Variants in RPS6KC1 observed in about 807,000 individuals in gnomAD.
RPS6KC1 encodes inactive ribosomal protein S6 kinase delta-1.
A neutral mutation model predicts 103.8 loss-of-function variants in RPS6KC1; 54 were observed. The ratio of observed to expected loss-of-function variants is 0.52; its 90% CI spans 0.42 to 0.65. The LOEUF (loss-of-function observed/expected upper bound fraction) is 0.65. Among genes scored for constraint, RPS6KC1 ranks in the 30% least tolerant of loss-of-function variants. RPS6KC1 has a pLI of 0.00. For synonymous variants in RPS6KC1, 439 were observed against 438.7 expected (o/e 1.00, Z -0.01); for missense variants, 1,151 against 1,253.8 (o/e 0.92, Z 1.24).
chr1:213,299,551 C>CAAAA, the RPS6KC1 span, among the ~76,000 whole-genome samples: 1 of 105,240 alleles, frequency 9.5e-6, no homozygotes, highest in African/African-American at 3.8e-5. Flanking sequence ...GACTCCATCT[C>CAAAA]AAAAAAAAAA....
the RPS6KC1 span, among the ~76,000 whole-genome samples, chr1:213,554,771 A>C: frequency 6.6e-6 from 1 of 152,182 alleles, no homozygotes; most frequent in Non-Finnish European, 1.5e-5. Flanking sequence ...TGATGCAGAG[A>C]TATTCATTCA....
intron 6 of RPS6KC1, among the ~76,000 whole-genome samples, chr1:213,160,889 T>G (rs936414899): frequency 6.6e-6 from 1 of 152,032 alleles, no homozygotes; most frequent in Non-Finnish European, 1.5e-5. Flanking sequence ...TAGGAGAATA[T>G]CTAACATAAA....
chr1:213,743,068 C>T, the RPS6KC1 span, among the ~76,000 whole-genome samples: 1 of 152,144 alleles, frequency 6.6e-6, no homozygotes, highest in African/African-American at 2.4e-5. Flanking sequence ...ATCATTATAC[C>T]AGAAAGACAC....
chr1:213,596,140 G>C, the RPS6KC1 span, among the ~76,000 whole-genome samples: 1 of 151,990 alleles, frequency 6.6e-6, no homozygotes, highest in Admixed American at 6.5e-5. Flanking sequence ...ATTAGAGGAG[G>C]AAGGCAGTAT....
the RPS6KC1 span, among the ~76,000 whole-genome samples, chr1:213,441,492 T>C: frequency 1.3e-5 from 2 of 152,240 alleles, no homozygotes; most frequent in Admixed American, 1.3e-4. Context: ...TTTTCTAATG[T>C]CATTCACATT....
the RPS6KC1 span, among the ~76,000 whole-genome samples, chr1:213,791,209 T>C: frequency 6.6e-6 from 1 of 152,246 alleles, no homozygotes; most frequent in African/African-American, 2.4e-5. Flanking sequence ...CTAGAAATTC[T>C]AAGAAGTGAT....
At chr1:213,124,562 T>C (rs774923646) in intron 5 of RPS6KC1, among the ~76,000 whole-genome samples, 1 of 152,130 alleles carries the variant, frequency 6.6e-6, no homozygotes, top group Non-Finnish European at 1.5e-5. Context: ...TTTCTAGGAG[T>C]TGAACAAGCA....
At chr1:213,371,363 T>C in the RPS6KC1 span, among the ~76,000 whole-genome samples, 1 of 152,244 alleles carries the variant, frequency 6.6e-6, no homozygotes, top group African/African-American at 2.4e-5. Flanking sequence ...TCAATGGGAC[T>C]TTTTGGCAGC....
At chr1:213,424,072 T>C in the RPS6KC1 span, among the ~76,000 whole-genome samples, 1 of 152,234 alleles carries the variant, frequency 6.6e-6, no homozygotes, top group Non-Finnish European at 1.5e-5. Flanking sequence ...ATTGTTCTTT[T>C]TTAGCTGTGG....
At chr1:213,183,948 AC>A (rs2092409974) in intron 8 of RPS6KC1, among the ~76,000 whole-genome samples, 1 of 152,196 alleles carries the variant, frequency 6.6e-6, no homozygotes, top group South Asian at 2.1e-4. Flanking sequence ...GATCTTGCCT[AC>A]ATCAAAAGGA....
chr1:213,829,749 C>T, the RPS6KC1 span, among the ~76,000 whole-genome samples: 1 of 152,134 alleles, frequency 6.6e-6, no homozygotes, highest in Non-Finnish European at 1.5e-5. Context: ...ATAGGAGACA[C>T]CCCCTCCCCC....
At chr1:213,440,576 G>A in the RPS6KC1 span, among the ~76,000 whole-genome samples, 1 of 121,526 alleles carries the variant, frequency 8.2e-6, no homozygotes, top group Admixed American at 1.0e-4. Context: ...AACTTTAGGT[G>A]TACATATTAA....
At chr1:213,199,045 A>T (rs889835969) in intron 8 of RPS6KC1, among the ~76,000 whole-genome samples, 3 of 152,244 alleles carry the variant, frequency 2.0e-5, no homozygotes, top group African/African-American at 7.2e-5. Context: ...ATGGATTCAC[A>T]GCTAAATTCT....
chr1:213,171,041 T>C (rs1498355), intron 7 of RPS6KC1, among the ~76,000 whole-genome samples: 1 of 151,984 alleles, frequency 6.6e-6, no homozygotes, highest in African/African-American at 2.4e-5. Flanking sequence ...TTGTTAATTA[T>C]TGTTTTCTCC....
chr1:213,544,350 A>G, the RPS6KC1 span, among the ~76,000 whole-genome samples: 1 of 152,198 alleles, frequency 6.6e-6, no homozygotes, highest in Non-Finnish European at 1.5e-5. Context: ...TCATGATTAC[A>G]GCTCTAGCAA....
chr1:213,074,161 A>G (rs2079109757), intron 2 of RPS6KC1, among the ~76,000 whole-genome samples: 2 of 152,240 alleles, frequency 1.3e-5, no homozygotes, highest in South Asian at 4.1e-4. Flanking sequence ...TGGTTCTGTA[A>G]AATACAGGAA....
At chr1:213,539,801 C>T in the RPS6KC1 span, among the ~76,000 whole-genome samples, 13 of 152,120 alleles carry the variant, frequency 8.5e-5, no homozygotes, top group Non-Finnish European at 1.5e-4. Flanking sequence ...AGAAATATTG[C>T]AGGTTCAGTT....
the RPS6KC1 span, among the ~76,000 whole-genome samples, chr1:213,469,594 G>A: frequency 6.6e-6 from 1 of 152,102 alleles, no homozygotes; most frequent in Non-Finnish European, 1.5e-5. Context: ...CTCCTCCAAT[G>A]TCACACCCCA....
chr1:213,356,427 A>ATGG, the RPS6KC1 span, among the ~76,000 whole-genome samples: 2 of 152,080 alleles, frequency 1.3e-5, no homozygotes, highest in Admixed American at 6.5e-5. Context: ...AGGCCGAGGC[A>ATGG]GCAGATCACC....
Sources: gnomAD v4.1 joint callset for allele counts (sites outside exome capture counted in the v4.1 genomes callset) on GRCh38, gnomAD v4.1.1 for gene constraint, MANE v1.5 for transcripts, NCBI Gene and HGNC (gene_info 2026-07-23, HGNC 2026-07-21) for gene names.